FHOD3: variants seen among roughly 807,000 people sequenced by gnomAD.
The protein encoded by FHOD3 is formin homology 2 domain containing 3, also known as FH1/FH2 domain-containing protein 3.
Under a neutral mutation model 173.0 loss-of-function variants are expected in FHOD3, and 90 were observed. The ratio of observed to expected loss-of-function variants is 0.52; its 90% CI spans 0.44 to 0.62. The LOEUF (loss-of-function observed/expected upper bound fraction) is 0.62. Among genes scored for constraint, FHOD3 ranks in the 20% least tolerant of loss-of-function variants. FHOD3 has a pLI of 0.00. For synonymous variants in FHOD3, 828 were observed against 823.0 expected (o/e 1.01, Z -0.10); for missense variants, 1,945 against 2,034.7 (o/e 0.96, Z 0.85).
At chr18:36,553,143 C>A (rs2057730656) in intron 5 of FHOD3, among the ~76,000 whole-genome samples, 1 of 152,140 alleles carries the variant, frequency 6.6e-6, no homozygotes, top group East Asian at 1.9e-4. Flanking sequence ...ATATGTTGAA[C>A]CAGCCTTGCA....
rs150391940 is a variant in FHOD3, at chr18:36,761,293, A to C, written c.4624+511A>C. On this transcript the variant is annotated intron_variant, in intron 27 of 28. Coordinates refer to ENST00000590592, the MANE Select transcript of FHOD3 (RefSeq NM_001281740.3). ...TTCACATCCTTAGGCAGAGACAAAA[A>C]CTAAAACTTCAAAATGGCGGCCAGA... 5.7e-3 allele frequency among the ~76,000 whole-genome samples: 865 copies of C among 152,266 alleles called. 11 individuals carry two copies. Among genetic ancestry groups the C allele is most frequent in the African/African-American group, 0.02 (835 of 41,546 alleles).
At chr18:36,616,872 T>G (rs186742323) in intron 9 of FHOD3, among the ~76,000 whole-genome samples, 4 of 152,322 alleles carry the variant, frequency 2.6e-5, no homozygotes, top group African/African-American at 9.6e-5. Flanking sequence ...CCTATCGAGG[T>G]GCAGATGGAT....
intron 24 of FHOD3, among the ~76,000 whole-genome samples, chr18:36,749,345 T>A (rs928717641): frequency 6.6e-6 from 1 of 152,156 alleles, no homozygotes; most frequent in Non-Finnish European, 1.5e-5. Flanking sequence ...ACCCTCCACC[T>A]TCATGTCCAG....
chr18:36,570,937 C>T (rs76753715), intron 5 of FHOD3, among the ~76,000 whole-genome samples: 3,026 of 152,174 alleles, frequency 0.02, 94 homozygotes, highest in African/African-American at 0.07. Flanking sequence ...ATTATTAATG[C>T]TTTCTCCCTA....
intron 11 of FHOD3, among the ~76,000 whole-genome samples, chr18:36,652,357 G>T (rs968698810): frequency 6.6e-6 from 1 of 152,228 alleles, no homozygotes; most frequent in African/African-American, 2.4e-5. Flanking sequence ...TTACCTCCTG[G>T]TTTGACAAAC....
intron 3 of FHOD3, among the ~76,000 whole-genome samples, chr18:36,380,566 T>TCCTTTCCTTTCCTTTCCTTTCCTTTC (rs768530356): frequency 2.6e-5 from 3 of 114,562 alleles, no homozygotes; most frequent in Admixed American, 1.0e-4. Context: ...TCTTTTCTTT[T>TCCTTTCCTTTCCTTTCCTTTCCTTTC]CTTTTCTTTT....
chr18:36,383,640 A>G, intron 3 of FHOD3, among the ~76,000 whole-genome samples: 1 of 152,210 alleles, frequency 6.6e-6, no homozygotes. Context: ...AGAAAGGGAA[A>G]TTTCTACTAA....
intron 27 of FHOD3, among the ~76,000 whole-genome samples, chr18:36,762,967 A>G: frequency 8.7e-6 from 1 of 114,560 alleles, no homozygotes; most frequent in Non-Finnish European, 2.0e-5. Context: ...TACGTTATAT[A>G]TGCGTATTAT....
At chr18:36,682,700 A>G (rs1219821467) in intron 15 of FHOD3, among the ~76,000 whole-genome samples, 3 of 152,150 alleles carry the variant, frequency 2.0e-5, no homozygotes, top group African/African-American at 7.2e-5. Flanking sequence ...CTTCAGCTTC[A>G]GCCTCCCAAG....
chr18:36,619,638 C>T (rs2033537618), intron 9 of FHOD3, among the ~76,000 whole-genome samples: 1 of 152,208 alleles, frequency 6.6e-6, no homozygotes, highest in Admixed American at 6.5e-5. Flanking sequence ...CACAAAACTT[C>T]ATTGAGCACC....
chr18:36,419,523 A>G (rs73418977), intron 3 of FHOD3, among the ~76,000 whole-genome samples: 4,386 of 152,284 alleles, frequency 0.029, 201 homozygotes, highest in African/African-American at 0.097. Flanking sequence ...TATATAAACC[A>G]TGGAAGGAAA....
Position 36,740,647 on chromosome 18 carries a change from T to C in FHOD3, c.3577-9T>C. 6.2e-7 allele frequency: 1 copy of C among 1,610,328 alleles called. No individual in the cohort carries two copies. The highest frequency in any genetic ancestry group is 8.5e-7 in the Non-Finnish European group (1 of 1,178,126). On this transcript the variant is annotated splice_polypyrimidine_tract_variant and intron_variant, in intron 20 of 28. Transcript: ENST00000590592. Reference sequence around the variant, plus strand: ...AGAGAAAATATACTATATCATCTCCTATTTCCAGAAAATTCTAACGATGAT... The same window carrying C: ...AGAGAAAATATACTATATCATCTCCCATTTCCAGAAAATTCTAACGATGAT...
At chr18:36,385,711 G>A (rs564592702) in intron 3 of FHOD3, among the ~76,000 whole-genome samples, 5 of 152,272 alleles carry the variant, frequency 3.3e-5, no homozygotes, top group South Asian at 2.1e-4. Context: ...TCCAGTTATC[G>A]TGTTTTTGAT....
At chr18:36,655,672 T>C (rs754192090) in intron 13 of FHOD3, among the ~76,000 whole-genome samples, 2 of 152,156 alleles carry the variant, frequency 1.3e-5, no homozygotes, top group Non-Finnish European at 2.9e-5. Context: ...GATGGACTAC[T>C]CAGTGGTTGA....
At chr18:36,349,702 G>C (rs1598799826) in intron 1 of FHOD3, among the ~76,000 whole-genome samples, 1 of 152,302 alleles carries the variant, frequency 6.6e-6, no homozygotes, top group Middle Eastern at 3.4e-3. Flanking sequence ...GAAAAAGAAA[G>C]AATACATAAA....
chr18:36,718,103 C>T lies in FHOD3; in HGVS notation c.2805C>T (p.Gly935=). The T allele has an allele frequency of 6.2e-7, 1 of 1,600,122 alleles. No homozygotes were observed. Among genetic ancestry groups the T allele is most frequent in the Non-Finnish European group, 8.5e-7 (1 of 1,172,676 alleles). Residue 935 remains glycine (G), a synonymous_variant, in exon 19 of 29, where the codon GGC becomes GGT. Transcript: ENST00000590592. ...ATGTCGGCTGTTTGGACAATCGGGG[C>T]AGTGTGAAAGCATTTGCTGAGAAAT... is the stretch of plus-strand genomic sequence containing the variant. ...RVDVGCLDNR[G]SVKAFAEKFN... is the part of the protein sequence containing the mutation.
At chr18:36,723,340 T>A (rs2040885318) in intron 19 of FHOD3, among the ~76,000 whole-genome samples, 1 of 152,134 alleles carries the variant, frequency 6.6e-6, no homozygotes, top group African/African-American at 2.4e-5. Flanking sequence ...TTGGGCTTAG[T>A]TTTTTGTTTT....
At chr18:36,534,932 C>T (rs114474448) in intron 5 of FHOD3, among the ~76,000 whole-genome samples, 155 of 152,340 alleles carry the variant, frequency 1.0e-3, no homozygotes, top group Middle Eastern at 3.4e-3. Context: ...GTTTACCCCA[C>T]CATGGGGGCA....
At chr18:36,752,863 G>A (rs1291353761) in intron 24 of FHOD3, among the ~76,000 whole-genome samples, 1 of 152,172 alleles carries the variant, frequency 6.6e-6, no homozygotes, top group Non-Finnish European at 1.5e-5. Context: ...GCTAGCTGCA[G>A]GCTGATGGAT....
Sources: gnomAD v4.1 joint callset for allele counts (sites outside exome capture counted in the v4.1 genomes callset) on GRCh38, gnomAD v4.1.1 for gene constraint, MANE v1.5 for transcripts, NCBI Gene and HGNC (gene_info 2026-07-23, HGNC 2026-07-21) for gene names.